Variants in SLC4A10 observed in about 807,000 individuals in gnomAD.
The protein encoded by SLC4A10 is sodium-driven chloride bicarbonate exchanger.
A neutral mutation model predicts 137.7 loss-of-function variants in SLC4A10; 42 were observed. The ratio of observed to expected loss-of-function variants is 0.30; its 90% CI spans 0.24 to 0.39. The LOEUF is 0.39. Ranked by LOEUF, SLC4A10 falls within the 10% of genes least tolerant of loss-of-function variation. The probability of loss-of-function intolerance (pLI) is 1.00; values close to 1 mark genes in which losing one functional copy is unlikely to be tolerated. For synonymous variants in SLC4A10, 474 were observed against 464.1 expected (o/e 1.02, Z -0.27); for missense variants, 925 against 1,355.0 (o/e 0.68, Z 4.98).
intron 2 of SLC4A10, among the ~76,000 whole-genome samples, chr2:161,782,106 G>A (rs1290577922): frequency 5.3e-5 from 8 of 152,002 alleles, no homozygotes; most frequent in African/African-American, 1.9e-4. Flanking sequence ...TTCCTCCCTA[G>A]CTCAGAGCAT....
At chr2:161,640,231 A>G (rs191955458) in intron 1 of SLC4A10, among the ~76,000 whole-genome samples, 95 of 152,208 alleles carry the variant, frequency 6.2e-4, no homozygotes, top group African/African-American at 1.9e-3. Flanking sequence ...CTCATTCTCA[A>G]TGAATTCTCT....
intron 2 of SLC4A10, among the ~76,000 whole-genome samples, chr2:161,799,383 T>C (rs1051862324): frequency 1.3e-5 from 2 of 151,932 alleles, no homozygotes; most frequent in South Asian, 2.1e-4. Flanking sequence ...AATTCAATTA[T>C]GGATATTGGA....
chr2:161,796,279 T>A (rs1306271964), intron 2 of SLC4A10, among the ~76,000 whole-genome samples: 1 of 152,196 alleles, frequency 6.6e-6, no homozygotes, highest in Non-Finnish European at 1.5e-5. Flanking sequence ...TTCTGTAGGT[T>A]GTGAATTTGG....
intron 3 of SLC4A10, among the ~76,000 whole-genome samples, chr2:161,807,592 C>A (rs1011783698): frequency 1.3e-5 from 2 of 152,122 alleles, no homozygotes; most frequent in Non-Finnish European, 2.9e-5. Flanking sequence ...ATTTGTTTAT[C>A]CTAGTCTGAT....
intron 9 of SLC4A10, among the ~76,000 whole-genome samples, chr2:161,880,508 T>C (rs749619029): frequency 2.0e-5 from 3 of 152,130 alleles, no homozygotes; most frequent in Non-Finnish European, 2.9e-5. Context: ...GGGAGGAATC[T>C]AGTTACTGTT....
chr2:161,888,646 T>C (rs1204214716), intron 10 of SLC4A10, among the ~76,000 whole-genome samples: 2 of 152,216 alleles, frequency 1.3e-5, no homozygotes, highest in African/African-American at 2.4e-5. Context: ...TTTTCTATCC[T>C]GAGACTTTGC....
At chr2:161,796,867 A>G (rs1368161192) in intron 2 of SLC4A10, among the ~76,000 whole-genome samples, 1 of 152,154 alleles carries the variant, frequency 6.6e-6, no homozygotes, top group African/African-American at 2.4e-5. Flanking sequence ...CTACATGTGC[A>G]CATGTCTTTT....
At chr2:161,739,207 G>T (rs1030504357) in intron 1 of SLC4A10, among the ~76,000 whole-genome samples, 7 of 152,118 alleles carry the variant, frequency 4.6e-5, no homozygotes, top group Non-Finnish European at 1.0e-4. Flanking sequence ...AGTCATACTT[G>T]CATCCTTCGC....
chr2:161,950,888 A>T (rs926007374), intron 19 of SLC4A10, 40 bp downstream of exon 19: 1 of 1,434,774 alleles, frequency 7.0e-7, no homozygotes, highest in African/African-American at 1.4e-5. Context: ...TAATTATGAC[A>T]ACTGATATCA....
chr2:161,936,490 A>G (rs991232585), intron 15 of SLC4A10, among the ~76,000 whole-genome samples: 2 of 152,004 alleles, frequency 1.3e-5, no homozygotes, highest in East Asian at 1.9e-4. Context: ...CAGATCTTCT[A>G]TTTCTTCCTG....
intron 15 of SLC4A10, among the ~76,000 whole-genome samples, chr2:161,929,806 A>G (rs1044459449): frequency 4.8e-4 from 73 of 152,328 alleles, no homozygotes; most frequent in African/African-American, 1.6e-3. Context: ...CTGAGCCTTA[A>G]GAGATTTATT....
intron 1 of SLC4A10, among the ~76,000 whole-genome samples, chr2:161,685,169 C>T (rs192243210): frequency 5.9e-4 from 90 of 152,244 alleles, no homozygotes; most frequent in South Asian, 1.2e-3. Context: ...TTCTTCTAAG[C>T]ACTACTGGAT....
chr2:161,676,543 A>C (rs1189884298), intron 1 of SLC4A10, among the ~76,000 whole-genome samples: 1 of 152,136 alleles, frequency 6.6e-6, no homozygotes, highest in East Asian at 1.9e-4. Context: ...CAGATTTTTA[A>C]AACTAGGTTA....
intron 3 of SLC4A10, among the ~76,000 whole-genome samples, chr2:161,836,440 G>A (rs1409454049): frequency 6.6e-6 from 1 of 151,970 alleles, no homozygotes; most frequent in South Asian, 2.1e-4. Flanking sequence ...AGAGGTTGTA[G>A]TGAGCAGAGA....
At chr2:161,851,859 T>C (rs1475207973) in intron 4 of SLC4A10, among the ~76,000 whole-genome samples, 1 of 152,146 alleles carries the variant, frequency 6.6e-6, no homozygotes, top group Non-Finnish European at 1.5e-5. Context: ...TGTACTTGAG[T>C]ATAATTTTTG....
chr2:161,843,195 A>C (rs1007737577), intron 4 of SLC4A10, among the ~76,000 whole-genome samples: 1 of 152,106 alleles, frequency 6.6e-6, no homozygotes, highest in Non-Finnish European at 1.5e-5. Flanking sequence ...TTTAACCAAT[A>C]ATTTCTTGTA....
At chr2:161,800,895 A>G (rs2055305759) in intron 2 of SLC4A10, among the ~76,000 whole-genome samples, 1 of 152,078 alleles carries the variant, frequency 6.6e-6, no homozygotes. Context: ...AGGAACAAGA[A>G]TGACACCTTT....
At chr2:161,695,136 A>G (rs562748107) in intron 1 of SLC4A10, among the ~76,000 whole-genome samples, 1 of 152,086 alleles carries the variant, frequency 6.6e-6, no homozygotes, top group Admixed American at 6.6e-5. Context: ...TAACTTTACA[A>G]TACAGAGAAA....
At chr2:161,857,382 C>T (rs1206256458) in intron 5 of SLC4A10, among the ~76,000 whole-genome samples, 2 of 151,964 alleles carry the variant, frequency 1.3e-5, no homozygotes, top group Non-Finnish European at 1.5e-5. Flanking sequence ...CCTGAATGTC[C>T]CATTTTTCAG....
Sources: allele counts gnomAD v4.1 joint callset (sites outside exome capture counted in the v4.1 genomes callset), GRCh38; gene constraint gnomAD v4.1.1; transcripts MANE v1.5; gene names NCBI Gene and HGNC (gene_info 2026-07-23, HGNC 2026-07-21).